Variants in BZW1 observed in about 807,000 individuals in gnomAD.
The protein encoded by BZW1 is eIF5-mimic protein 2.
BZW1 carries 3 observed loss-of-function variants against 54.1 expected under a neutral mutation model. That is an observed-to-expected ratio of 0.06 (90% confidence interval 0.03 to 0.14). The LOEUF (loss-of-function observed/expected upper bound fraction) is 0.14, where lower values mean the gene tolerates loss of function less well. Among genes scored for constraint, BZW1 ranks in the 10% least tolerant of loss-of-function variants. BZW1 has a pLI of 1.00. For synonymous variants in BZW1, 152 were observed against 162.7 expected, an observed-to-expected ratio of 0.93 and a Z score of 0.50; for missense variants, 206 against 491.7, an observed-to-expected ratio of 0.42 and a Z score of 5.50.
intron 2 of BZW1, among the ~76,000 whole-genome samples, chr2:200,813,661 G>C (rs1034185883): frequency 1.3e-5 from 2 of 152,186 alleles, no homozygotes; most frequent in Admixed American, 6.5e-5. Context: ...ATTTTGTGAA[G>C]ATTTGTGAGA....
chr2:200,817,236 A>G lies in BZW1; in HGVS notation c.533A>G (p.Lys178Arg). The G allele has an allele frequency of 6.2e-7, 1 of 1,612,900 alleles. No homozygotes were observed. The highest frequency in any genetic ancestry group is 8.5e-7 in the Non-Finnish European group (1 of 1,179,816). ...AGCCTTTATAATGAAAATTTGGTTA[A>G]AGAAGGTAATCAGCCTTAAAGGATG... is the stretch of plus-strand genomic sequence containing the variant. ...LNSLYNENLV[K>R]EGVSAAFAVK... The change falls in exon 6 of 12, where the codon AAA becomes AGA. Residue 178 changes from lysine to arginine, a missense_variant. Lys to Arg is a conservative substitution (Grantham distance 26, BLOSUM62 2). This residue lies in a region of BZW1 where 81 missense variants were observed against 257.1 expected (regional missense o/e 0.32). Coordinates refer to ENST00000409600, the MANE Select transcript of BZW1 (RefSeq NM_001207067.2).
chr2:200,818,239 A>G lies in BZW1; in HGVS notation c.665A>G (p.Asn222Ser), dbSNP rs770556295. ...DNRLMELFPA[N>S]KQSVEHFTKY... ...TTCTTTTAGGAACTCTTTCCTGCCA[A>G]TAAGCAAAGTGTTGAACACTTCACA... is the stretch of plus-strand genomic sequence containing the variant. The change falls in exon 8 of 12, where the codon AAT becomes AGT. Residue 222 changes from asparagine to serine, a missense_variant. This residue lies in a region of BZW1 where 81 missense variants were observed against 257.1 expected (regional missense o/e 0.32). Coordinates refer to ENST00000409600, the MANE Select transcript of BZW1 (RefSeq NM_001207067.2). 2.2e-5 allele frequency: 34 copies of G among 1,580,466 alleles called. No homozygotes were observed. The highest frequency in any genetic ancestry group is 6.8e-5 in the African/African-American group (5 of 73,312).
In BZW1 at chr2:200,820,089, C is replaced by G; in HGVS notation, c.1074C>G (p.Ala358=). 6.4e-7 allele frequency: 1 copy of G among 1,552,988 alleles called. No homozygotes were observed. The highest frequency in any genetic ancestry group is 8.7e-7 in the Non-Finnish European group (1 of 1,148,786). The part of the protein sequence containing the change: ...YCYDNIHFMK[A]FQKIVVLFYK... ...ATGACAACATTCATTTCATGAAAGC[C>G]TTCCAGAAAATAGTGGTGCTTTTTT... Residue 358 remains alanine, a synonymous_variant, in exon 10 of 12, where the codon GCC becomes GCG. Coordinates refer to ENST00000409600, the MANE Select transcript of BZW1 (RefSeq NM_001207067.2).
chr2:200,820,938 C>T (rs2038485567), intron 10 of BZW1, among the ~76,000 whole-genome samples: 1 of 152,178 alleles, frequency 6.6e-6, no homozygotes, highest in South Asian at 2.1e-4. Context: ...AAGACAAGAC[C>T]TCTGTTGGGA....
chr2:200,815,565 T>C lies in BZW1; in HGVS notation c.241+48T>C. The C allele has an allele frequency of 3.7e-6, 6 of 1,603,520 alleles. No homozygotes were observed. The South Asian group carries it at 4.4e-5, about 12-fold the overall frequency. On this transcript the variant is annotated intron_variant, in intron 3 of 11. Transcript: ENST00000409600. ...CTTAATAATTTAGAAAGGTATAATA[T>C]ATGGAGATTATGGAGAGTCTAGAAT...
At chr2:200,819,881 TA>T in intron 9 of BZW1, 100 bp from the exon 10 acceptor site, 1 of 1,107,554 alleles carries the variant, frequency 9.0e-7, no homozygotes, top group Non-Finnish European at 1.2e-6. Context: ...GCAGTGATTA[TA>T]AAAGATGAGT....
chr2:200,817,865 G>C, intron 6 of BZW1, 109 bp from the exon 7 acceptor site: 1 of 740,070 alleles, frequency 1.4e-6, no homozygotes, highest in Non-Finnish European at 2.1e-6. Context: ...AGTTTGTGAG[G>C]AAAGTCAGTA....
chr2:200,814,782 A>G (rs1295178079), intron 2 of BZW1, among the ~76,000 whole-genome samples: 1 of 152,144 alleles, frequency 6.6e-6, no homozygotes, highest in Admixed American at 6.5e-5. Context: ...TTGATTACCT[A>G]ATTTCTCTGA....
At chr2:200,813,139 G>C in intron 1 of BZW1, 69 bp from the exon 2 acceptor site, 1 of 1,317,602 alleles carries the variant, frequency 7.6e-7, no homozygotes, top group South Asian at 1.2e-5. Context: ...ACTAGACTAA[G>C]GTTTGATGTT....
chr2:200,818,398 GT>G lies in BZW1; in HGVS notation c.819+10del, dbSNP rs2038371905. The stretch of plus-strand genomic sequence containing the variant: ...CGTGGTGATCCATTTAAGGATGTAA[GT>G]TTTTGTTTAAACCGTCTTTTTATGG... On this transcript the variant is annotated splice_donor_region_variant and intron_variant, in intron 8 of 11. Coordinates refer to ENST00000409600, the MANE Select transcript of BZW1 (RefSeq NM_001207067.2). 1.3e-6 allele frequency: 2 copies of G among 1,596,218 alleles called. No individual in the cohort carries two copies. The highest frequency in any genetic ancestry group is 8.5e-7 in the Non-Finnish European group (1 of 1,176,100).
At chr2:200,812,128 G>C in intron 1 of BZW1, 138 bp downstream of exon 1, 1 of 926,396 alleles carries the variant, frequency 1.1e-6, no homozygotes, top group Non-Finnish European at 1.4e-6. Context: ...GGCCGGGCCG[G>C]ATCTAGGGCC....
At chr2:200,821,068 G>GT in intron 10 of BZW1, 115 bp from the exon 11 acceptor site, 3 of 1,269,884 alleles carry the variant, frequency 2.4e-6, no homozygotes, top group Non-Finnish European at 2.2e-6. Flanking sequence ...TCTCATGGAT[G>GT]TTTTTAGCTT....
intron 1 of BZW1, 124 bp from the exon 2 acceptor site, chr2:200,813,084 C>G: frequency 1.3e-6 from 1 of 787,086 alleles, no homozygotes; most frequent in South Asian, 1.5e-5. Flanking sequence ...GTATAATTGC[C>G]AGCTTTATAT....
At chr2:200,813,775 C>CT (rs2038180056) in intron 2 of BZW1, among the ~76,000 whole-genome samples, 1 of 151,954 alleles carries the variant, frequency 6.6e-6, no homozygotes. Context: ...AATTATATTA[C>CT]TATTTTTTTT....
intron 1 of BZW1, chr2:200,813,005 T>C: frequency 2.9e-6 from 2 of 695,090 alleles, no homozygotes; most frequent in Non-Finnish European, 5.4e-6. Flanking sequence ...AAGGGTTTCT[T>C]GTAGAGAGAA....
intron 1 of BZW1, chr2:200,812,965 C>T (rs1337620693): frequency 4.4e-6 from 3 of 681,620 alleles, no homozygotes; most frequent in Non-Finnish European, 8.3e-6. Context: ...ACTACAATGT[C>T]GCTTAAAAGT....
chr2:200,814,476 T>C (rs1043362315), intron 2 of BZW1, among the ~76,000 whole-genome samples: 4 of 152,234 alleles, frequency 2.6e-5, no homozygotes, highest in Non-Finnish European at 4.4e-5. Context: ...AGATGTCATC[T>C]AGCCTAGATT....
At chr2:200,816,434 T>C in intron 5 of BZW1, 44 bp downstream of exon 5, 1 of 1,352,912 alleles carries the variant, frequency 7.4e-7, no homozygotes, top group Non-Finnish European at 1.0e-6. Context: ...AAAATAGGGT[T>C]AGAAAGAGGA....
chr2:200,817,389 T>C (rs1046648300), intron 6 of BZW1, 148 bp downstream of exon 6: 2 of 1,047,248 alleles, frequency 1.9e-6, no homozygotes, highest in Non-Finnish European at 2.7e-6. Flanking sequence ...CACTAGACAT[T>C]TAATGAATAC....
Sources: allele counts gnomAD v4.1 joint callset (sites outside exome capture counted in the v4.1 genomes callset), GRCh38; gene constraint gnomAD v4.1.1; regional missense constraint gnomAD v4.1.1; transcripts MANE v1.5; gene names NCBI Gene and HGNC (gene_info 2026-07-23, HGNC 2026-07-21).